The following ALOX5AP variants were observed in gnomAD, a reference collection of about 807,000 sequenced individuals.
ALOX5AP encodes arachidonate 5-lipoxygenase activating protein, also known as arachidonate 5-lipoxygenase-activating protein.
ALOX5AP carries 9 observed loss-of-function variants against 18.5 expected under a neutral mutation model. The ratio of observed to expected loss-of-function variants is 0.49; its 90% CI spans 0.29 to 0.85. The LOEUF (loss-of-function observed/expected upper bound fraction) is 0.85. Ranked by LOEUF, ALOX5AP falls within the 40% of genes least tolerant of loss-of-function variation. ALOX5AP has a pLI of 0.08. For missense variants in ALOX5AP, 172 were observed against 202.5 expected, an observed-to-expected ratio of 0.85 and a Z score of 0.91; for synonymous variants, 81 against 78.6, an observed-to-expected ratio of 1.03 and a Z score of -0.16.
chr13:30,758,336 T>G (rs1593445660), intron 4 of ALOX5AP, among the ~76,000 whole-genome samples: 1 of 152,236 alleles, frequency 6.6e-6, no homozygotes, highest in Admixed American at 6.5e-5. Context: ...TATGTCACAC[T>G]TGGACTCTGC....
At chr13:30,732,841 G>C (rs1951692151), upstream of ALOX5AP, among the ~76,000 whole-genome samples, 1 of 152,024 alleles carries the variant, frequency 6.6e-6, no homozygotes, top group African/African-American at 2.4e-5. Flanking sequence ...GAAAGAGAGA[G>C]AGAAAGGGAC....
At chr13:30,717,638 T>C (rs1329092423) in intron 1 of ALOX5AP, among the ~76,000 whole-genome samples, 1 of 152,218 alleles carries the variant, frequency 6.6e-6, no homozygotes, top group Non-Finnish European at 1.5e-5. Flanking sequence ...AAGAGATGCA[T>C]AGGGCGAGGT....
At chr13:30,739,985 C>T (rs539093336) in intron 1 of ALOX5AP, among the ~76,000 whole-genome samples, 8 of 152,300 alleles carry the variant, frequency 5.3e-5, no homozygotes, top group Non-Finnish European at 1.0e-4. Context: ...TGGTGCTGTT[C>T]CCTAAAATCA....
intron 1 of ALOX5AP, among the ~76,000 whole-genome samples, chr13:30,743,623 C>T (rs1426395123): frequency 1.3e-5 from 2 of 151,902 alleles, no homozygotes; most frequent in African/African-American, 2.4e-5. Flanking sequence ...CCTCTCCCTC[C>T]GTCTGCTTGG....
exon 1 of ALOX5AP, chr13:30,713,609 C>T (rs2137779859): frequency 1.4e-6 from 1 of 733,480 alleles, no homozygotes; most frequent in Non-Finnish European, 2.3e-6. Context: ...CCCCTCACAC[C>T]TCCTCTCATC....
chr13:30,724,127 A>G (rs1225862166), intron 1 of ALOX5AP, among the ~76,000 whole-genome samples: 1 of 152,076 alleles, frequency 6.6e-6, no homozygotes, highest in Non-Finnish European at 1.5e-5. Flanking sequence ...GCAACCACCA[A>G]TCTGCTTTCT....
intron 1 of ALOX5AP, among the ~76,000 whole-genome samples, chr13:30,736,318 G>A (rs9671065): frequency 0.032 from 4,887 of 151,856 alleles, 247 homozygotes; most frequent in African/African-American, 0.11. Flanking sequence ...CCTGTTCAGC[G>A]TTTGCATTTC....
intron 2 of ALOX5AP, 46 bp downstream of exon 2, chr13:30,744,205 G>T: frequency 6.4e-7 from 1 of 1,560,524 alleles, no homozygotes. Context: ...GCATGGGCAG[G>T]GGGGCCTCCT....
At chr13:30,729,638 G>A (rs1161054430) in intron 1 of ALOX5AP, among the ~76,000 whole-genome samples, 2 of 150,774 alleles carry the variant, frequency 1.3e-5, no homozygotes, top group East Asian at 1.9e-4. Context: ...GTGCAGTGGC[G>A]TGATCCCAGC....
At chr13:30,760,108 G>A (rs1015919838) in intron 4 of ALOX5AP, among the ~76,000 whole-genome samples, 1 of 152,158 alleles carries the variant, frequency 6.6e-6, no homozygotes, top group Non-Finnish European at 1.5e-5. Context: ...TCCTCACAGA[G>A]CTTACAATTT....
intron 1 of ALOX5AP, among the ~76,000 whole-genome samples, chr13:30,714,834 A>G (rs974479132): frequency 6.6e-6 from 1 of 152,098 alleles, no homozygotes; most frequent in Non-Finnish European, 1.5e-5. Flanking sequence ...TCCTGTTGGG[A>G]AACTTAGGGC....
intron 1 of ALOX5AP, among the ~76,000 whole-genome samples, chr13:30,739,574 A>ACT (rs1951746622): frequency 6.6e-6 from 1 of 152,172 alleles, no homozygotes; most frequent in Non-Finnish European, 1.5e-5. Flanking sequence ...AGCTAGGACT[A>ACT]CAAGCATGTG....
At chr13:30,736,464 A>T (rs2137803124) in intron 1 of ALOX5AP, among the ~76,000 whole-genome samples, 1 of 152,330 alleles carries the variant, frequency 6.6e-6, no homozygotes, top group East Asian at 1.9e-4. Context: ...CACTTTCATA[A>T]CTATCTCCAG....
chr13:30,758,459 T>C (rs1455416488), intron 4 of ALOX5AP, among the ~76,000 whole-genome samples: 1 of 152,226 alleles, frequency 6.6e-6, no homozygotes, highest in African/African-American at 2.4e-5. Flanking sequence ...AGATGGTCCG[T>C]TGCCCCTTTC....
chr13:30,750,012 G>A (rs145681944), intron 2 of ALOX5AP, among the ~76,000 whole-genome samples: 5 of 152,090 alleles, frequency 3.3e-5, no homozygotes, highest in African/African-American at 4.8e-5. Flanking sequence ...CATGAAACCC[G>A]TGGTTCTCAA....
At chr13:30,726,294 A>T (rs941559934) in intron 1 of ALOX5AP, among the ~76,000 whole-genome samples, 3 of 152,218 alleles carry the variant, frequency 2.0e-5, no homozygotes, top group Admixed American at 6.5e-5. Flanking sequence ...CTGCCACTTC[A>T]CAATGAGGGT....
chr13:30,722,869 G>T (rs1042103098), intron 1 of ALOX5AP, among the ~76,000 whole-genome samples: 1 of 152,136 alleles, frequency 6.6e-6, no homozygotes, highest in African/African-American at 2.4e-5. Context: ...CTCTCACCTT[G>T]TAATCTCTAC....
intron 1 of ALOX5AP, among the ~76,000 whole-genome samples, chr13:30,719,484 G>T (rs1593425281): frequency 1.3e-5 from 2 of 152,176 alleles, no homozygotes; most frequent in African/African-American, 4.8e-5. Context: ...AAATATTTCT[G>T]TATCTTTCTC....
In ALOX5AP at chr13:30,719,736, C is replaced by T. The variant is rs140962646; in HGVS notation, c.116+5895C>T. Among the ~76,000 whole-genome samples, 7 of 152,264 alleles carry T rather than the reference C, an allele frequency of 4.6e-5. No homozygotes were observed. In the East Asian group the frequency reaches 7.7e-4, roughly 17 times the overall value. ...ATGGACAAGTTCCAAGTGAGTGAGG[C>T]GACTGGTCAGGATATTCCGCTGAAA... On this transcript the variant is annotated intron_variant, in intron 1 of 5. Coordinates refer to the ALOX5AP transcript ENST00000617770.
Sources: gnomAD v4.1 joint callset for allele counts (sites outside exome capture counted in the v4.1 genomes callset) on GRCh38, gnomAD v4.1.1 for gene constraint, MANE v1.5 for transcripts, NCBI Gene and HGNC (gene_info 2026-07-23, HGNC 2026-07-21) for gene names.